GLDN: variants seen among roughly 807,000 people sequenced by gnomAD.
The protein encoded by GLDN is gliomedin.
Under a neutral mutation model 56.5 loss-of-function variants are expected in GLDN, and 47 were observed. That is an observed-to-expected ratio of 0.83 (90% CI 0.66 to 1.06). The LOEUF (loss-of-function observed/expected upper bound fraction) is 1.06. Among genes scored for constraint, GLDN ranks in the 50% least tolerant of loss-of-function variants. GLDN has a pLI of 0.00. For synonymous variants in GLDN, 332 were observed against 278.8 expected, an observed-to-expected ratio of 1.19 and a Z score of -1.90; for missense variants, 782 against 714.3, an observed-to-expected ratio of 1.09 and a Z score of -1.08.
intron 1 of GLDN, among the ~76,000 whole-genome samples, chr15:51,349,581 A>G (rs963828509): frequency 2.0e-5 from 3 of 152,354 alleles, no homozygotes; most frequent in Admixed American, 2.0e-4. Flanking sequence ...TTGTTTACAG[A>G]CTGTCTATTG....
In GLDN at chr15:51,390,150, A is replaced by C. The variant is rs2037986285; in HGVS notation, c.542-4685A>C. Among the ~76,000 whole-genome samples, 5 of 152,200 alleles carry C rather than the reference A, an allele frequency of 3.3e-5. 1 individual carries two copies. In the South Asian group the frequency reaches 1.0e-3, roughly 31 times the overall value. On this transcript the variant is annotated intron_variant, in intron 4 of 9. Coordinates refer to ENST00000335449, the MANE Select transcript of GLDN (RefSeq NM_181789.4). ...TGTGCCACAATTTCCTCATTTGCAAAATGGGGACAATAATAGTATTAACCT... is the reference window on the plus strand; with the variant it reads ...TGTGCCACAATTTCCTCATTTGCAACATGGGGACAATAATAGTATTAACCT...
Position 51,404,523 on chromosome 15 carries a change from C to T in GLDN, c.1425C>T (p.Ala475=). Residue 475 remains alanine, a synonymous_variant, in exon 10 of 10, where the codon GCC becomes GCT. Coordinates refer to ENST00000335449, the MANE Select transcript of GLDN (RefSeq NM_181789.4). ...TTYPKSKAGN[A]FIARGILYVT... ...ACCCTAAATCCAAGGCTGGCAACGC[C>T]TTCATTGCCCGAGGAATCCTCTATG... The T allele has an allele frequency of 1.2e-6, 2 of 1,614,112 alleles. No individual in the cohort carries two copies. Among genetic ancestry groups the T allele is most frequent in the Non-Finnish European group, 1.7e-6 (2 of 1,179,996 alleles).
intron 1 of GLDN, among the ~76,000 whole-genome samples, chr15:51,370,851 G>A (rs1044888716): frequency 5.3e-5 from 8 of 152,130 alleles, no homozygotes; most frequent in African/African-American, 1.9e-4. Context: ...AATTAGCTGG[G>A]TGTGGTGGTG....
At chr15:51,359,862 C>T (rs1433905177) in intron 1 of GLDN, among the ~76,000 whole-genome samples, 1 of 151,586 alleles carries the variant, frequency 6.6e-6, no homozygotes, top group Non-Finnish European at 1.5e-5. Context: ...ACCTGTAGTC[C>T]CAGCTGCTTG....
intron 1 of GLDN, among the ~76,000 whole-genome samples, chr15:51,361,146 A>G (rs1314965781): frequency 6.6e-6 from 1 of 152,206 alleles, no homozygotes; most frequent in Non-Finnish European, 1.5e-5. Context: ...TAGAAACTCC[A>G]TTAGAGGCCT....
intron 1 of GLDN, among the ~76,000 whole-genome samples, chr15:51,375,018 C>T (rs957174240): frequency 2.0e-5 from 3 of 152,170 alleles, no homozygotes; most frequent in African/African-American, 7.2e-5. Flanking sequence ...CATGATCCAC[C>T]ACACCAGGCC....
intron 2 of GLDN, among the ~76,000 whole-genome samples, chr15:51,380,453 A>C (rs572006403): frequency 6.6e-6 from 1 of 152,328 alleles, no homozygotes; most frequent in East Asian, 1.9e-4. Flanking sequence ...CAGTTGGCAC[A>C]CATCATGGCA....
At chr15:51,361,585 T>C (rs1425812168) in intron 1 of GLDN, among the ~76,000 whole-genome samples, 1 of 152,170 alleles carries the variant, frequency 6.6e-6, no homozygotes, top group Non-Finnish European at 1.5e-5. Flanking sequence ...GATTCATTCA[T>C]TCAATATGTA....
intron 2 of GLDN, among the ~76,000 whole-genome samples, chr15:51,382,620 G>A (rs2037789148): frequency 6.6e-6 from 1 of 151,580 alleles, no homozygotes; most frequent in African/African-American, 2.4e-5. Context: ...CAGCTACTCG[G>A]GAGGCTGAGG....
chr15:51,376,186 G>C lies in GLDN; in HGVS notation c.364-1263G>C, dbSNP rs115466884. Among the ~76,000 whole-genome samples the C allele has an allele frequency of 5.0e-3, 763 of 152,312 alleles. 7 individuals carry two copies. Among genetic ancestry groups the C allele is most frequent in the African/African-American group, 0.017 (718 of 41,556 alleles). On this transcript the variant is annotated intron_variant, in intron 1 of 9. Transcript: ENST00000335449. ...GTAAACATCATGGTGTGTACTTGCA[G>C]GAAACTAGATGCCATAGCCTACAAC... is the stretch of plus-strand genomic sequence containing the variant.
intron 9 of GLDN, 40 bp from the exon 10 acceptor site, chr15:51,404,237 C>A: frequency 1.4e-6 from 2 of 1,453,136 alleles, no homozygotes; most frequent in Non-Finnish European, 1.9e-6. Context: ...TCCACAGAAA[C>A]GGTGATTCAT....
At chr15:51,392,442 C>T (rs988147556) in intron 4 of GLDN, among the ~76,000 whole-genome samples, 2 of 152,190 alleles carry the variant, frequency 1.3e-5, no homozygotes, top group African/African-American at 4.8e-5. Flanking sequence ...ATGGGACTGT[C>T]TAGTTGCATG....
At chr15:51,365,469 T>C (rs1114432) in intron 1 of GLDN, among the ~76,000 whole-genome samples, 17,702 of 152,130 alleles carry the variant, frequency 0.12, 1,954 homozygotes, top group African/African-American at 0.29. Flanking sequence ...TAGGTATGTG[T>C]TTCAAAAAGG....
intron 4 of GLDN, chr15:51,384,204 G>A (rs957946906): frequency 5.4e-6 from 2 of 371,368 alleles, no homozygotes; most frequent in South Asian, 5.2e-5. Flanking sequence ...TGGGCCGTGT[G>A]ACAGCTGGTG....
intron 1 of GLDN, among the ~76,000 whole-genome samples, chr15:51,360,729 G>A (rs1197353721): frequency 6.6e-6 from 1 of 152,186 alleles, no homozygotes; most frequent in Non-Finnish European, 1.5e-5. Flanking sequence ...TTTCTCACAT[G>A]CCTTTCTTAT....
chr15:51,376,436 C>G (rs1469411444), intron 1 of GLDN, among the ~76,000 whole-genome samples: 1 of 152,190 alleles, frequency 6.6e-6, no homozygotes, highest in Non-Finnish European at 1.5e-5. Flanking sequence ...CTGGGTGAGT[C>G]AGTGAGTGAG....
intron 1 of GLDN, among the ~76,000 whole-genome samples, chr15:51,342,629 A>G (rs763279123): frequency 3.3e-5 from 5 of 152,314 alleles, no homozygotes; most frequent in Non-Finnish European, 5.9e-5. Flanking sequence ...GATGCTGGGA[A>G]AGTTGCCCCT....
At chr15:51,386,814 A>G (rs1050383043) in intron 4 of GLDN, among the ~76,000 whole-genome samples, 1 of 152,134 alleles carries the variant, frequency 6.6e-6, no homozygotes, top group Non-Finnish European at 1.5e-5. Context: ...ACTGACCCTA[A>G]GGTTGCTGTC....
downstream of GLDN, chr15:51,408,058 T>C (rs891679525): frequency 1.3e-5 from 2 of 152,230 alleles, no homozygotes; most frequent in African/African-American, 4.8e-5. Context: ...ATACGTAACA[T>C]TTAAAAGAAA....
Sources: allele counts gnomAD v4.1 joint callset (sites outside exome capture counted in the v4.1 genomes callset), GRCh38; gene constraint gnomAD v4.1.1; transcripts MANE v1.5; gene names NCBI Gene and HGNC (gene_info 2026-07-23, HGNC 2026-07-21).